The following CERT1 variants were observed in gnomAD, a reference collection of about 807,000 sequenced individuals.
The protein encoded by CERT1 is ceramide transporter 1, also known as ceramide transfer protein.
A neutral mutation model predicts 87.9 loss-of-function variants in CERT1; 31 were observed. That is an observed-to-expected ratio of 0.35 (90% confidence interval 0.27 to 0.48). CERT1 has a LOEUF of 0.48. CERT1 is among the 20% of genes least tolerant of loss of function. The pLI, the probability that CERT1 is intolerant of heterozygous loss-of-function variation, is 0.99. For missense variants in CERT1, 487 were observed against 758.0 expected, an observed-to-expected ratio of 0.64 and a Z score of 4.20; for synonymous variants, 289 against 250.9, an observed-to-expected ratio of 1.15 and a Z score of -1.44.
chr5:75,431,878 C>T (rs1182608658), intron 3 of CERT1, among the ~76,000 whole-genome samples: 4 of 152,208 alleles, frequency 2.6e-5, no homozygotes, highest in Middle Eastern at 3.4e-3. Context: ...GATGAACATA[C>T]ACATGCATGT....
At chr5:75,406,753 C>T (rs1762721919) in intron 8 of CERT1, among the ~76,000 whole-genome samples, 1 of 152,054 alleles carries the variant, frequency 6.6e-6, no homozygotes, top group Non-Finnish European at 1.5e-5. Context: ...CCATGTTGGC[C>T]AGGCTGCTCT....
At chr5:75,445,339 A>G (rs930982924) in intron 3 of CERT1, among the ~76,000 whole-genome samples, 5 of 152,192 alleles carry the variant, frequency 3.3e-5, no homozygotes, top group Non-Finnish European at 2.9e-5. Context: ...ATTGTCCAGT[A>G]TGCTTACATT....
chr5:75,455,297 T>C (rs1158460301), intron 3 of CERT1, among the ~76,000 whole-genome samples: 5 of 152,190 alleles, frequency 3.3e-5, no homozygotes, highest in South Asian at 4.1e-4. Flanking sequence ...TTCAAGCATC[T>C]TGACAACTTT....
intron 3 of CERT1, among the ~76,000 whole-genome samples, chr5:75,456,663 C>CAAAAA (rs34320476): frequency 3.3e-3 from 226 of 68,800 alleles, no homozygotes; most frequent in East Asian, 4.8e-3. Flanking sequence ...GACCTCATCT[C>CAAAAA]AAAAAAAAAA....
intron 3 of CERT1, among the ~76,000 whole-genome samples, chr5:75,437,504 G>A (rs1247903253): frequency 6.6e-6 from 1 of 152,052 alleles, no homozygotes; most frequent in African/African-American, 2.4e-5. Flanking sequence ...GATGGCTCAC[G>A]CCTGTAATCC....
At chr5:75,433,281 G>A (rs1216670170) in intron 3 of CERT1, among the ~76,000 whole-genome samples, 6 of 152,136 alleles carry the variant, frequency 3.9e-5, no homozygotes, top group Admixed American at 2.0e-4. Context: ...ACTGCTTTGG[G>A]CATTACAGCA....
At chr5:75,384,025 T>G (rs1379119978) in intron 14 of CERT1, among the ~76,000 whole-genome samples, 2 of 152,210 alleles carry the variant, frequency 1.3e-5, no homozygotes, top group Non-Finnish European at 2.9e-5. Flanking sequence ...CTCTGTGATT[T>G]TTCTTTGCTT....
chr5:75,471,969 G>A lies in CERT1; in HGVS notation c.232-12788C>T, dbSNP rs1580818836. 5.3e-5 allele frequency among the ~76,000 whole-genome samples: 8 copies of A among 152,114 alleles called. No individual in the cohort carries two copies. The South Asian group carries it at 1.7e-3, about 32-fold the overall frequency. On this transcript the variant is annotated intron_variant, in intron 2 of 16. Transcript: ENST00000643780. ...CAGAAAAGACCCCAAAGAGCCAAAG[G>A]AATCTTAAGCAAGAAGAACAATGCT...
At chr5:75,450,174 C>A (rs1203242294) in intron 3 of CERT1, among the ~76,000 whole-genome samples, 2 of 152,028 alleles carry the variant, frequency 1.3e-5, no homozygotes, top group African/African-American at 4.8e-5. Context: ...TCTAGGTGCC[C>A]CACCAACTAG....
intron 16 of CERT1, among the ~76,000 whole-genome samples, chr5:75,379,790 G>T (rs1761488471): frequency 6.6e-6 from 1 of 152,000 alleles, no homozygotes; most frequent in Admixed American, 6.6e-5. Context: ...TCACCATGTT[G>T]GCTAGGATGG....
intron 2 of CERT1, among the ~76,000 whole-genome samples, chr5:75,469,362 G>T (rs1203061309): frequency 6.6e-6 from 1 of 152,086 alleles, no homozygotes; most frequent in Non-Finnish European, 1.5e-5. Flanking sequence ...GTTCAAGAGG[G>T]AGTAGAGAAA....
intron 11 of CERT1, among the ~76,000 whole-genome samples, chr5:75,390,607 C>G (rs541187181): frequency 9.9e-5 from 15 of 152,000 alleles, no homozygotes; most frequent in Admixed American, 6.5e-5. Context: ...TGAAGTGATA[C>G]AAAGATTGCG....
At chr5:75,418,740 T>C (rs1285474041) in intron 6 of CERT1, among the ~76,000 whole-genome samples, 1 of 152,142 alleles carries the variant, frequency 6.6e-6, no homozygotes, top group Non-Finnish European at 1.5e-5. Context: ...GAATACATAC[T>C]GTATGACTCC....
intron 7 of CERT1, among the ~76,000 whole-genome samples, chr5:75,416,472 G>A (rs978812494): frequency 3.9e-5 from 6 of 152,178 alleles, no homozygotes; most frequent in African/African-American, 1.4e-4. Context: ...ACTGACCATG[G>A]AAAAAATACA....
chr5:75,468,385 A>G (rs1309778261), intron 2 of CERT1, among the ~76,000 whole-genome samples: 1 of 152,112 alleles, frequency 6.6e-6, no homozygotes, highest in Admixed American at 6.5e-5. Context: ...TGCTTGAGGA[A>G]AAAAAGAGAA....
In CERT1 at chr5:75,399,337, A is replaced by G; in HGVS notation, c.1161T>C (p.Ser387=). Residue 387 remains serine, a synonymous_variant, in exon 11 of 17, where the codon TCT becomes TCC. Transcript: ENST00000643780. ...GGGAGCTGAATCTGTGAACATCATC[A>G]GAGGCACTGACTAGATCAATGGAAG... ...SMSSIDLVSA[S]DDVHRFSSQV... is the part of the protein sequence containing the mutation. The G allele has an allele frequency of 1.2e-6, 2 of 1,613,428 alleles. No homozygotes were observed. Among genetic ancestry groups the G allele is most frequent in the Non-Finnish European group, 8.5e-7 (1 of 1,179,340 alleles).
At chr5:75,438,896 A>G (rs973257295) in intron 3 of CERT1, among the ~76,000 whole-genome samples, 1 of 151,866 alleles carries the variant, frequency 6.6e-6, no homozygotes, top group Non-Finnish European at 1.5e-5. Flanking sequence ...TAATGAGACC[A>G]TACCTTTGTT....
At chr5:75,435,098 T>A (rs1764033740) in intron 3 of CERT1, among the ~76,000 whole-genome samples, 1 of 152,204 alleles carries the variant, frequency 6.6e-6, no homozygotes, top group Admixed American at 6.5e-5. Flanking sequence ...GTTCTTGATG[T>A]AGGCATATTT....
chr5:75,471,691 G>A (rs1188116753), intron 2 of CERT1, among the ~76,000 whole-genome samples: 1 of 149,762 alleles, frequency 6.7e-6, no homozygotes, highest in African/African-American at 2.5e-5. Context: ...GGGAGGCAGA[G>A]GTTGCAGTGA....
Sources: gnomAD v4.1 joint callset for allele counts (sites outside exome capture counted in the v4.1 genomes callset) on GRCh38, gnomAD v4.1.1 for gene constraint, MANE v1.5 for transcripts, NCBI Gene and HGNC (gene_info 2026-07-23, HGNC 2026-07-21) for gene names.